KCNAB1: variants seen among roughly 807,000 people sequenced by gnomAD.
KCNAB1 encodes potassium voltage-gated channel subfamily A regulatory beta subunit 1.
KCNAB1 carries 35 observed loss-of-function variants against 64.6 expected under a neutral mutation model. The observed-to-expected ratio is 0.54, with a 90% confidence interval of 0.41 to 0.72. The LOEUF (loss-of-function observed/expected upper bound fraction) is 0.72, where lower values mean the gene tolerates loss of function less well. Among genes scored for constraint, KCNAB1 ranks in the 30% least tolerant of loss-of-function variants. The pLI, the probability that KCNAB1 is intolerant of heterozygous loss-of-function variation, is 0.00. For missense variants in KCNAB1, 401 were observed against 512.9 expected (o/e 0.78, Z 2.11); for synonymous variants, 177 against 183.8 (o/e 0.96, Z 0.30).
At chr3:156,485,994 G>T (rs1276997305) in intron 8 of KCNAB1, among the ~76,000 whole-genome samples, 1 of 152,088 alleles carries the variant, frequency 6.6e-6, no homozygotes. Flanking sequence ...GAGGGTTGCT[G>T]CATCCCATTG....
chr3:156,217,410 G>A (rs1715394293), intron 1 of KCNAB1, among the ~76,000 whole-genome samples: 1 of 152,150 alleles, frequency 6.6e-6, no homozygotes, highest in Non-Finnish European at 1.5e-5. Context: ...GGAAACTAGA[G>A]TGATATACGA....
intron 1 of KCNAB1, among the ~76,000 whole-genome samples, chr3:156,186,253 C>A (rs948546770): frequency 2.0e-5 from 3 of 152,144 alleles, no homozygotes; most frequent in Admixed American, 2.0e-4. Context: ...ATCTGAAGAA[C>A]CTGCCTATTT....
chr3:156,481,096 G>C (rs1714762864), intron 8 of KCNAB1, among the ~76,000 whole-genome samples: 1 of 152,022 alleles, frequency 6.6e-6, no homozygotes, highest in Non-Finnish European at 1.5e-5. Context: ...ACACTTACAT[G>C]CTGTTTCTCA....
chr3:156,526,907 C>T (rs2108416185), intron 12 of KCNAB1, among the ~76,000 whole-genome samples: 1 of 150,678 alleles, frequency 6.6e-6, no homozygotes, highest in Admixed American at 6.6e-5. Flanking sequence ...GGAATTGGGA[C>T]ATATCAGAAA....
chr3:156,203,415 G>A (rs972395400), intron 1 of KCNAB1, among the ~76,000 whole-genome samples: 6 of 152,168 alleles, frequency 3.9e-5, no homozygotes, highest in African/African-American at 1.4e-4. Flanking sequence ...ATAGCATTGG[G>A]TTTAAAACTC....
At chr3:156,129,937 C>T (rs545768646) in intron 1 of KCNAB1, among the ~76,000 whole-genome samples, 4 of 152,298 alleles carry the variant, frequency 2.6e-5, no homozygotes, top group African/African-American at 9.6e-5. Context: ...ATGGACCAAA[C>T]GCCTTGTCTG....
intron 12 of KCNAB1, among the ~76,000 whole-genome samples, chr3:156,528,819 G>A (rs933424657): frequency 6.6e-6 from 1 of 152,148 alleles, no homozygotes; most frequent in Non-Finnish European, 1.5e-5. Flanking sequence ...AAGCTGCAGA[G>A]GTAGGCTAGA....
At chr3:156,236,056 G>A (rs1477185273) in intron 1 of KCNAB1, among the ~76,000 whole-genome samples, 1 of 152,148 alleles carries the variant, frequency 6.6e-6, no homozygotes, top group Non-Finnish European at 1.5e-5. Flanking sequence ...TCAGACTCTG[G>A]TGTGGCCTGG....
chr3:156,482,114 C>T (rs1714860735), intron 8 of KCNAB1, among the ~76,000 whole-genome samples: 1 of 152,072 alleles, frequency 6.6e-6, no homozygotes, highest in African/African-American at 2.4e-5. Flanking sequence ...GTGTAATTTT[C>T]TTATAGCCCT....
chr3:156,513,094 C>G (rs1366205412), intron 8 of KCNAB1, among the ~76,000 whole-genome samples: 1 of 152,128 alleles, frequency 6.6e-6, no homozygotes, highest in Non-Finnish European at 1.5e-5. Flanking sequence ...CACCTGTAGT[C>G]CCAGCTACTC....
Position 156,120,799 on chromosome 3 carries a change from T to C in KCNAB1, c.188T>C (p.Leu63Pro). 6.2e-7 allele frequency: 1 copy of C among 1,614,240 alleles called. No individual in the cohort carries two copies. The highest frequency in any genetic ancestry group is 8.5e-7 in the Non-Finnish European group (1 of 1,180,050). Residue 63 changes from leucine to proline, a missense_variant, in exon 1 of 14, where the codon CTG (leucine) becomes CCG (proline). Leu to Pro is a moderately conservative substitution (Grantham distance 98, BLOSUM62 -3). Transcript: ENST00000490337. ...CTCAGGGCGCGTCAACTGGCTCTGC[T>C]GCGCGAAGTGGAGATGAACTGGTAC... ...SQLRARQLAL[L>P]REVEMNWYLK...
chr3:156,437,500 C>CA (rs1009070635), intron 2 of KCNAB1, among the ~76,000 whole-genome samples: 150 of 152,270 alleles, frequency 9.9e-4, no homozygotes, highest in African/African-American at 3.5e-3. Flanking sequence ...CTGCATGGCA[C>CA]CAGTGGGAGA....
At chr3:156,531,636 C>A in intron 13 of KCNAB1, 139 bp downstream of exon 13, 1 of 696,820 alleles carries the variant, frequency 1.4e-6, no homozygotes. Context: ...AACACTTTCC[C>A]AGTACATGGA....
At chr3:156,367,082 A>G (rs927052228) in intron 1 of KCNAB1, among the ~76,000 whole-genome samples, 2 of 151,740 alleles carry the variant, frequency 1.3e-5, no homozygotes, top group Admixed American at 6.6e-5. Context: ...AATTTCAGAG[A>G]GTTTTGTAGT....
intron 1 of KCNAB1, among the ~76,000 whole-genome samples, chr3:156,260,904 C>T: frequency 6.6e-6 from 1 of 152,084 alleles, no homozygotes. Context: ...TTCACTAATT[C>T]CTCGTACTAA....
intron 1 of KCNAB1, among the ~76,000 whole-genome samples, chr3:156,328,225 G>A (rs996025970): frequency 6.6e-6 from 1 of 152,122 alleles, no homozygotes; most frequent in Admixed American, 6.6e-5. Flanking sequence ...GCTGGATAGT[G>A]GAAGTAGATC....
chr3:156,422,922 C>A (rs900387185), intron 2 of KCNAB1, among the ~76,000 whole-genome samples: 22 of 152,170 alleles, frequency 1.4e-4, no homozygotes, highest in African/African-American at 5.3e-4. Context: ...TCCTGGAATC[C>A]AGGTGAGCAT....
intron 1 of KCNAB1, among the ~76,000 whole-genome samples, chr3:156,405,337 G>T (rs766749654): frequency 6.6e-6 from 1 of 152,174 alleles, no homozygotes; most frequent in African/African-American, 2.4e-5. Flanking sequence ...TACTGCAGGG[G>T]CCAGAGCCCT....
Position 156,410,078 on chromosome 3 carries a change from C to T in KCNAB1, c.276-11538C>T, listed in dbSNP as rs146762865. Among the ~76,000 whole-genome samples the T allele has an allele frequency of 3.9e-3, 593 of 152,276 alleles. 1 individual carries two copies. The highest frequency in any genetic ancestry group is 4.5e-3 in the Non-Finnish European group (307 of 68,010). Reference sequence around the variant, plus strand: ...AAACAAACCAAAACCAATGTTCTGGCAATGTGAGAACGTTTGTAGATAAAA... The same window carrying T: ...AAACAAACCAAAACCAATGTTCTGGTAATGTGAGAACGTTTGTAGATAAAA... On this transcript the variant is annotated intron_variant, in intron 1 of 13. Coordinates refer to ENST00000490337, the MANE Select transcript of KCNAB1 (RefSeq NM_172160.3).
Sources: gnomAD v4.1 joint callset for allele counts (sites outside exome capture counted in the v4.1 genomes callset) on GRCh38, gnomAD v4.1.1 for gene constraint, MANE v1.5 for transcripts, NCBI Gene and HGNC (gene_info 2026-07-23, HGNC 2026-07-21) for gene names.